Variants in TPD52L1 observed in about 807,000 individuals in gnomAD.
The protein encoded by TPD52L1 is TPD52 like 1.
TPD52L1 carries 18 observed loss-of-function variants against 28.7 expected under a neutral mutation model. The observed-to-expected ratio is 0.63, with a 90% CI of 0.43 to 0.93. The LOEUF (loss-of-function observed/expected upper bound fraction) is 0.93, where lower values mean the gene tolerates loss of function less well. TPD52L1 is among the 40% of genes least tolerant of loss of function. The probability of loss-of-function intolerance (pLI) is 0.00; values close to 1 mark genes in which losing one functional copy is unlikely to be tolerated. For synonymous variants in TPD52L1, 75 were observed against 88.8 expected (o/e 0.84, Z 0.88); for missense variants, 203 against 254.8 (o/e 0.80, Z 1.39).
At chr6:125,240,283 C>T (rs1240174635) in intron 3 of TPD52L1, among the ~76,000 whole-genome samples, 4 of 152,010 alleles carry the variant, frequency 2.6e-5, no homozygotes, top group Non-Finnish European at 5.9e-5. Context: ...GTTCTTTTTG[C>T]TTAGTATTGT....
At chr6:125,175,235 G>A (rs1306114902) in intron 1 of TPD52L1, among the ~76,000 whole-genome samples, 19 of 151,896 alleles carry the variant, frequency 1.3e-4, no homozygotes, top group Admixed American at 1.2e-3. Flanking sequence ...AAATACATGC[G>A]GGGAAAACAA....
intron 1 of TPD52L1, among the ~76,000 whole-genome samples, chr6:125,166,180 G>T (rs1158901771): frequency 6.6e-6 from 1 of 152,154 alleles, no homozygotes. Context: ...TTGGGATGGG[G>T]GTAGTGGGAG....
intron 1 of TPD52L1, among the ~76,000 whole-genome samples, chr6:125,213,318 C>T (rs1209383238): frequency 2.0e-5 from 3 of 152,118 alleles, no homozygotes; most frequent in Non-Finnish European, 4.4e-5. Flanking sequence ...GCTAGGGAGG[C>T]ATCTGGTGTG....
chr6:125,252,165 C>A, intron 4 of TPD52L1: 1 of 1,080,104 alleles, frequency 9.3e-7, no homozygotes, highest in South Asian at 1.5e-5. Flanking sequence ...CAGACAGTTC[C>A]CGTGACCAGG....
At chr6:125,208,486 G>A (rs1241976602) in intron 1 of TPD52L1, among the ~76,000 whole-genome samples, 1 of 152,062 alleles carries the variant, frequency 6.6e-6, no homozygotes, top group African/African-American at 2.4e-5. Context: ...GGAGGAGGGA[G>A]CATCACCCTT....
At position 125,247,311 on chromosome 6, in the gene TPD52L1, G is replaced by A. The variant is rs1036405109; in HGVS notation, c.285-971G>A. Among the ~76,000 whole-genome samples the A allele has an allele frequency of 3.9e-5, 6 of 152,086 alleles. No homozygotes were observed. The South Asian group carries it at 8.3e-4, about 21-fold the overall frequency. ...TTTTAATGTGTATAAAAATTTTGTT[G>A]ATTTACTATTATTCCTCAAGTTATG... On this transcript the variant is annotated intron_variant, in intron 3 of 6. Transcript: ENST00000534000.
intron 1 of TPD52L1, among the ~76,000 whole-genome samples, chr6:125,158,298 T>A (rs1347251820): frequency 6.6e-6 from 1 of 152,204 alleles, no homozygotes; most frequent in Non-Finnish European, 1.5e-5. Context: ...ATGAATGAAA[T>A]AAAGCAATAA....
intron 1 of TPD52L1, among the ~76,000 whole-genome samples, chr6:125,173,923 G>C (rs1354289693): frequency 1.3e-5 from 2 of 152,176 alleles, no homozygotes; most frequent in Non-Finnish European, 2.9e-5. Context: ...GCAAACTAAA[G>C]GGCCTGTCAC....
In TPD52L1 at chr6:125,213,004, C is replaced by T. The variant is rs148754588; in HGVS notation, c.20-7074C>T. Reference sequence around the variant, plus strand: ...ATTTGTTACCTTTATTAAAACAATTCTATATATTTTATTGCATGTAAAAGA... The same window carrying T: ...ATTTGTTACCTTTATTAAAACAATTTTATATATTTTATTGCATGTAAAAGA... On this transcript the variant is annotated intron_variant, in intron 1 of 6. Coordinates refer to ENST00000534000, the MANE Select transcript of TPD52L1 (RefSeq NM_003287.4). Among the ~76,000 whole-genome samples, 609 of 152,136 alleles carry T rather than the reference C, an allele frequency of 4.0e-3. 4 individuals are homozygous for T. Among genetic ancestry groups the T allele is most frequent in the African/African-American group, 0.013 (556 of 41,484 alleles).
chr6:125,255,888 T>C (rs1046602437), intron 5 of TPD52L1, among the ~76,000 whole-genome samples: 3 of 152,206 alleles, frequency 2.0e-5, no homozygotes, highest in African/African-American at 7.2e-5. Flanking sequence ...TTCCTGTTTC[T>C]TTAGTAGGAG....
intron 4 of TPD52L1, chr6:125,253,412 C>T: frequency 2.5e-6 from 1 of 405,136 alleles, no homozygotes; most frequent in East Asian, 4.6e-5. Flanking sequence ...GGAGAAGATG[C>T]CCATGGGCTA....
chr6:125,178,536 G>A (rs1427432047), intron 1 of TPD52L1, among the ~76,000 whole-genome samples: 4 of 152,124 alleles, frequency 2.6e-5, no homozygotes, highest in South Asian at 2.1e-4. Context: ...CAGGAGAATC[G>A]CTTCAACCCG....
intron 2 of TPD52L1, among the ~76,000 whole-genome samples, chr6:125,223,837 G>A (rs1795419746): frequency 6.6e-6 from 1 of 151,692 alleles, no homozygotes; most frequent in Non-Finnish European, 1.5e-5. Flanking sequence ...CCTCTGATCT[G>A]GTGCAGTGGT....
At chr6:125,210,965 T>C (rs998131350) in intron 1 of TPD52L1, among the ~76,000 whole-genome samples, 3 of 152,184 alleles carry the variant, frequency 2.0e-5, no homozygotes, top group Non-Finnish European at 1.5e-5. Flanking sequence ...CACTATACTA[T>C]CTTGCAATCG....
intron 2 of TPD52L1, among the ~76,000 whole-genome samples, chr6:125,221,694 GC>G (rs2114966162): frequency 6.6e-6 from 1 of 152,226 alleles, no homozygotes; most frequent in South Asian, 2.1e-4. Flanking sequence ...TTAAATGGAT[GC>G]CCCATGAATA....
intron 1 of TPD52L1, among the ~76,000 whole-genome samples, chr6:125,208,008 G>A (rs1794259590): frequency 6.6e-6 from 1 of 152,214 alleles, no homozygotes; most frequent in Non-Finnish European, 1.5e-5. Flanking sequence ...CTTAAGAGAA[G>A]TAACTGAGCA....
At chr6:125,204,883 A>C (rs1188611578) in intron 1 of TPD52L1, among the ~76,000 whole-genome samples, 2 of 152,230 alleles carry the variant, frequency 1.3e-5, no homozygotes, top group African/African-American at 2.4e-5. Flanking sequence ...TGAACAAGGA[A>C]GCAGTGATAC....
At chr6:125,257,242 C>G in intron 6 of TPD52L1, 84 bp downstream of exon 6, 1 of 1,206,072 alleles carries the variant, frequency 8.3e-7, no homozygotes, top group East Asian at 2.4e-5. Flanking sequence ...AAAGTCGAGG[C>G]AGGGCCAAGA....
At chr6:125,178,687 G>A (rs1198625165) in intron 1 of TPD52L1, among the ~76,000 whole-genome samples, 2 of 150,748 alleles carry the variant, frequency 1.3e-5, no homozygotes, top group East Asian at 3.9e-4. Context: ...TTGGGTAAAT[G>A]TTAAAGAAAA....
Sources: allele counts gnomAD v4.1 joint callset (sites outside exome capture counted in the v4.1 genomes callset), GRCh38; gene constraint gnomAD v4.1.1; transcripts MANE v1.5; gene names NCBI Gene and HGNC (gene_info 2026-07-23, HGNC 2026-07-21).